The following HCN1 variants were observed in gnomAD, a reference collection of about 807,000 sequenced individuals.
HCN1 encodes hyperpolarization activated cyclic nucleotide gated potassium channel 1.
In HCN1, 13 loss-of-function variants were observed where a neutral mutation model predicts 78.9. That is an observed-to-expected ratio of 0.16 (90% confidence interval 0.11 to 0.26). The LOEUF (loss-of-function observed/expected upper bound fraction) is 0.26. HCN1 is among the 10% of genes least tolerant of loss of function. The pLI, the probability that HCN1 is intolerant of heterozygous loss-of-function variation, is 1.00. For missense variants in HCN1, 810 were observed against 1,154.3 expected (o/e 0.70, Z 4.32); for synonymous variants, 552 against 455.5 (o/e 1.21, Z -2.70).
intron 4 of HCN1, among the ~76,000 whole-genome samples, chr5:45,353,796 A>G (rs1266655778): frequency 6.6e-6 from 1 of 151,946 alleles, no homozygotes; most frequent in Non-Finnish European, 1.5e-5. Flanking sequence ...CTAAGAGACT[A>G]TGGCAGGCTT....
At chr5:45,453,704 T>A (rs1740969066) in intron 3 of HCN1, among the ~76,000 whole-genome samples, 1 of 152,118 alleles carries the variant, frequency 6.6e-6, no homozygotes, top group African/African-American at 2.4e-5. Context: ...GGAATAACAA[T>A]TCTGTTTCAG....
At chr5:45,423,950 A>AT (rs1668311791) in intron 3 of HCN1, among the ~76,000 whole-genome samples, 1 of 152,002 alleles carries the variant, frequency 6.6e-6, no homozygotes, top group Admixed American at 6.6e-5. Flanking sequence ...AAAGTGCTCC[A>AT]TAAAAATTGA....
chr5:45,423,302 A>T (rs1200322444), intron 3 of HCN1, among the ~76,000 whole-genome samples: 1 of 152,222 alleles, frequency 6.6e-6, no homozygotes, highest in Non-Finnish European at 1.5e-5. Context: ...GGATTACTGC[A>T]TGTGGCTTAA....
In HCN1 at chr5:45,587,076, A is replaced by T. The variant is rs187457393; in HGVS notation, c.849+58109T>A. Among the ~76,000 whole-genome samples the T allele has an allele frequency of 1.8e-4, 27 of 152,276 alleles. No homozygotes were observed. In the East Asian group the frequency reaches 4.4e-3, roughly 25 times the overall value. On this transcript the variant is annotated intron_variant, in intron 2 of 7. Transcript: ENST00000303230. ...AGGTGCTGGAGAGGATGTGGAGAAC[A>T]AGGAACACTTTTACACTGTTGGTGG...
intron 2 of HCN1, among the ~76,000 whole-genome samples, chr5:45,572,370 A>C (rs1743853612): frequency 6.6e-6 from 1 of 152,160 alleles, no homozygotes; most frequent in Non-Finnish European, 1.5e-5. Flanking sequence ...CCATTACTTA[A>C]CCATAAAACT....
chr5:45,550,846 A>G (rs1743352595), intron 2 of HCN1, among the ~76,000 whole-genome samples: 2 of 152,016 alleles, frequency 1.3e-5, no homozygotes, highest in Non-Finnish European at 2.9e-5. Context: ...TGCTTAGAAG[A>G]GAAGTATAAA....
At chr5:45,462,722 T>C (rs1257791704) in intron 2 of HCN1, among the ~76,000 whole-genome samples, 1 of 152,084 alleles carries the variant, frequency 6.6e-6, no homozygotes, top group East Asian at 1.9e-4. Context: ...TAGGTTAGAT[T>C]ATTTCAGAAA....
At chr5:45,406,081 T>C (rs1249520738) in intron 3 of HCN1, among the ~76,000 whole-genome samples, 6 of 152,142 alleles carry the variant, frequency 3.9e-5, no homozygotes, top group African/African-American at 1.4e-4. Flanking sequence ...AATCAATGCA[T>C]TATTTTAAAT....
intron 2 of HCN1, among the ~76,000 whole-genome samples, chr5:45,530,349 A>G (rs1027805892): frequency 6.6e-6 from 1 of 151,976 alleles, no homozygotes; most frequent in Admixed American, 6.6e-5. Flanking sequence ...AGCTTTCAGT[A>G]AACCTGAGCA....
At chr5:45,524,034 T>C (rs1332452312) in intron 2 of HCN1, among the ~76,000 whole-genome samples, 1 of 152,182 alleles carries the variant, frequency 6.6e-6, no homozygotes, top group Non-Finnish European at 1.5e-5. Context: ...AATTAATTTT[T>C]GTATAAGGTG....
chr5:45,501,045 G>A (rs913425826), intron 2 of HCN1, among the ~76,000 whole-genome samples: 1 of 152,042 alleles, frequency 6.6e-6, no homozygotes, highest in Non-Finnish European at 1.5e-5. Flanking sequence ...AAAATATCAG[G>A]GATGAATGAC....
At position 45,534,042 on chromosome 5, in the gene HCN1, G is replaced by A. The variant is rs180980950; in HGVS notation, c.850-72035C>T. The stretch of plus-strand genomic sequence containing the variant: ...ATTTATAAGAAAATCCTGTTCTACT[G>A]AGCATAGATTTCTCATTTCAGCCAC... On this transcript the variant is annotated intron_variant, in intron 2 of 7. Transcript: ENST00000303230. Among the ~76,000 whole-genome samples, 18 of 152,144 alleles carry A rather than the reference G, an allele frequency of 1.2e-4. No individual in the cohort carries two copies. The East Asian group carries it at 3.5e-3, about 29-fold the overall frequency.
intron 3 of HCN1, among the ~76,000 whole-genome samples, chr5:45,401,220 G>A (rs914541993): frequency 2.0e-5 from 3 of 152,092 alleles, no homozygotes; most frequent in Non-Finnish European, 2.9e-5. Flanking sequence ...AAAATATACT[G>A]TATCACCTTA....
intron 2 of HCN1, among the ~76,000 whole-genome samples, chr5:45,569,990 C>A (rs940669205): frequency 2.0e-5 from 3 of 151,964 alleles, no homozygotes; most frequent in Non-Finnish European, 2.9e-5. Flanking sequence ...ACAGATTTGA[C>A]TAAAAGCTAC....
At chr5:45,328,733 G>C (rs566966040) in intron 5 of HCN1, among the ~76,000 whole-genome samples, 12 of 151,562 alleles carry the variant, frequency 7.9e-5, no homozygotes, top group Non-Finnish European at 1.8e-4. Context: ...TCAGACCAGA[G>C]TTATTCTCTA....
At chr5:45,503,258 C>A (rs895085346) in intron 2 of HCN1, among the ~76,000 whole-genome samples, 5 of 151,976 alleles carry the variant, frequency 3.3e-5, no homozygotes, top group African/African-American at 1.2e-4. Flanking sequence ...CAAAAAACAA[C>A]CCTGAATTTC....
At chr5:45,397,444 T>C (rs1233868028) in intron 3 of HCN1, among the ~76,000 whole-genome samples, 1 of 152,076 alleles carries the variant, frequency 6.6e-6, no homozygotes, top group Non-Finnish European at 1.5e-5. Flanking sequence ...TAACTTCTGA[T>C]GTCATTTAAA....
At chr5:45,511,845 T>C (rs1369392582) in intron 2 of HCN1, among the ~76,000 whole-genome samples, 2 of 152,066 alleles carry the variant, frequency 1.3e-5, no homozygotes, top group Non-Finnish European at 2.9e-5. Context: ...GTTCGTTAGT[T>C]CGTCAGATGT....
At chr5:45,679,647 G>T (rs1739666635) in intron 1 of HCN1, among the ~76,000 whole-genome samples, 1 of 151,984 alleles carries the variant, frequency 6.6e-6, no homozygotes, top group African/African-American at 2.4e-5. Flanking sequence ...GATTATGAAA[G>T]AATTTAAATA....
Sources: allele counts gnomAD v4.1 joint callset (sites outside exome capture counted in the v4.1 genomes callset), GRCh38; gene constraint gnomAD v4.1.1; transcripts MANE v1.5; gene names NCBI Gene and HGNC (gene_info 2026-07-23, HGNC 2026-07-21).